DLG2: variants seen among roughly 807,000 people sequenced by gnomAD.
The protein encoded by DLG2 is disks large homolog 2.
Under a neutral mutation model 132.5 loss-of-function variants are expected in DLG2, and 45 were observed. That is an observed-to-expected ratio of 0.34 (90% confidence interval 0.27 to 0.44). DLG2 has a LOEUF of 0.44. DLG2 is among the 20% of genes least tolerant of loss of function. The pLI is 1.00. For synonymous variants in DLG2, 424 were observed against 419.6 expected (o/e 1.01, Z -0.13); for missense variants, 1,045 against 1,196.9 (o/e 0.87, Z 1.87).
intron 3 of DLG2, among the ~76,000 whole-genome samples, chr11:85,579,540 A>G (rs1358330013): frequency 6.6e-6 from 1 of 152,212 alleles, no homozygotes; most frequent in African/African-American, 2.4e-5. Flanking sequence ...AAATTCGCCA[A>G]TGAAATTTGA....
intron 6 of DLG2, among the ~76,000 whole-genome samples, chr11:84,961,103 C>T (rs2052494670): frequency 6.6e-6 from 1 of 151,724 alleles, no homozygotes; most frequent in African/African-American, 2.4e-5. Flanking sequence ...GCTCACGCTC[C>T]ATGCTTCCTT....
intron 6 of DLG2, among the ~76,000 whole-genome samples, chr11:85,038,673 A>G (rs2061606124): frequency 6.6e-6 from 1 of 152,100 alleles, no homozygotes; most frequent in Non-Finnish European, 1.5e-5. Flanking sequence ...TTTCTAATAC[A>G]TCAAGAGGGA....
intron 18 of DLG2, among the ~76,000 whole-genome samples, chr11:83,692,276 G>A (rs2081129655): frequency 6.6e-6 from 1 of 152,194 alleles, no homozygotes; most frequent in African/African-American, 2.4e-5. Flanking sequence ...GTTCAATGAT[G>A]AGCAGGGCTT....
chr11:84,629,152 G>A (rs2099627616), intron 6 of DLG2, among the ~76,000 whole-genome samples: 1 of 152,092 alleles, frequency 6.6e-6, no homozygotes, highest in African/African-American at 2.4e-5. Flanking sequence ...CCTAATCTCT[G>A]AGATATAATA....
intron 6 of DLG2, among the ~76,000 whole-genome samples, chr11:84,580,018 G>A (rs957881351): frequency 3.9e-5 from 6 of 152,114 alleles, no homozygotes; most frequent in Admixed American, 1.3e-4. Flanking sequence ...AAGATGATGA[G>A]CAAGTTTTGT....
At chr11:85,363,071 CAA>C (rs2084282601) in intron 3 of DLG2, among the ~76,000 whole-genome samples, 1 of 152,156 alleles carries the variant, frequency 6.6e-6, no homozygotes, top group East Asian at 1.9e-4. Flanking sequence ...AATTAGTGAA[CAA>C]AAGAGTGTTG....
chr11:84,235,031 T>C (rs1014099328), intron 8 of DLG2, among the ~76,000 whole-genome samples: 1 of 152,164 alleles, frequency 6.6e-6, no homozygotes, highest in Non-Finnish European at 1.5e-5. Flanking sequence ...ACCTGCCTAA[T>C]AAGAACCTTG....
At chr11:83,898,044 T>G (rs1015860135) in intron 15 of DLG2, among the ~76,000 whole-genome samples, 1 of 152,194 alleles carries the variant, frequency 6.6e-6, no homozygotes, top group African/African-American at 2.4e-5. Flanking sequence ...TTTTACCTAC[T>G]GTAAATGTTG....
chr11:85,464,208 T>C (rs1291519857), intron 3 of DLG2, among the ~76,000 whole-genome samples: 2 of 152,230 alleles, frequency 1.3e-5, no homozygotes, highest in Non-Finnish European at 2.9e-5. Flanking sequence ...AAATATTCTA[T>C]GCATTTTGTA....
intron 14 of DLG2, among the ~76,000 whole-genome samples, chr11:83,941,175 C>T (rs995473691): frequency 2.0e-5 from 3 of 152,142 alleles, no homozygotes; most frequent in Non-Finnish European, 4.4e-5. Context: ...CACATTTATA[C>T]TGAAACTTAT....
At chr11:84,646,935 T>A (rs2099675703) in intron 6 of DLG2, among the ~76,000 whole-genome samples, 1 of 152,142 alleles carries the variant, frequency 6.6e-6, no homozygotes, top group Admixed American at 6.6e-5. Context: ...ATATTCTCTG[T>A]CATCAAAGGG....
At chr11:83,977,192 T>C (rs752110168) in intron 12 of DLG2, among the ~76,000 whole-genome samples, 1 of 151,990 alleles carries the variant, frequency 6.6e-6, no homozygotes, top group Non-Finnish European at 1.5e-5. Flanking sequence ...AAGCTTCCTA[T>C]GATCCAGTAA....
intron 6 of DLG2, among the ~76,000 whole-genome samples, chr11:84,765,575 T>C (rs1413262479): frequency 1.1e-4 from 16 of 152,068 alleles, no homozygotes; most frequent in Admixed American, 1.0e-3. Context: ...TTAAGGTTTC[T>C]GAGGAAAATA....
rs183798054 is a variant in DLG2, at chr11:85,372,160, T to C, written c.41-86795A>G. On this transcript the variant is annotated intron_variant, in intron 3 of 27. Transcript: ENST00000376104. ...GGGATGGGTAATATAAAAATCTGGA[T>C]CAATATTCTAGTTCTGAGCAGTTAT... Among the ~76,000 whole-genome samples the C allele has an allele frequency of 2.0e-5, 3 of 152,274 alleles. No individual in the cohort carries two copies. The East Asian group carries it at 5.8e-4, about 29-fold the overall frequency.
intron 6 of DLG2, among the ~76,000 whole-genome samples, chr11:84,595,542 C>A (rs1381766567): frequency 1.3e-5 from 2 of 151,226 alleles, no homozygotes; most frequent in Admixed American, 6.6e-5. Context: ...AGCAACTGAA[C>A]CTTGTATGAG....
chr11:85,415,946 A>G (rs2152987612), intron 3 of DLG2, among the ~76,000 whole-genome samples: 1 of 152,334 alleles, frequency 6.6e-6, no homozygotes, highest in Middle Eastern at 3.4e-3. Context: ...GTCTTGGCCC[A>G]TGCCTATGTC....
Position 85,285,279 on chromosome 11 carries a change from T to C in DLG2, c.127A>G (p.Lys43Glu). 2 of 1,612,152 alleles carry C rather than the reference T, an allele frequency of 1.2e-6. No homozygotes were observed. The highest frequency in any genetic ancestry group is 1.7e-6 in the Non-Finnish European group (2 of 1,178,698). ...KIEEANQVLQ[K>E]WEKTSLLAPC... ...GCAAGAAGGGATGTCTTCTCCCATT[T>C]CTGTAAAACTTGATTGGCTTCTTCT... Residue 43 changes from lysine to glutamate, a missense_variant, in exon 4 of 28, where the codon AAA becomes GAA. Lys to Glu is a moderately conservative substitution (Grantham distance 56). Transcript: ENST00000376104.
At chr11:83,521,960 T>C (rs2095491007) in intron 21 of DLG2, among the ~76,000 whole-genome samples, 1 of 152,096 alleles carries the variant, frequency 6.6e-6, no homozygotes, top group Non-Finnish European at 1.5e-5. Flanking sequence ...CTTGAAGGGC[T>C]CCCCAGTACC....
At chr11:85,379,091 A>T (rs1219374783) in intron 3 of DLG2, among the ~76,000 whole-genome samples, 1 of 152,208 alleles carries the variant, frequency 6.6e-6, no homozygotes, top group Non-Finnish European at 1.5e-5. Context: ...GTCACCAGTC[A>T]TGCTTCATTC....
Sources: gnomAD v4.1 joint callset for allele counts (sites outside exome capture counted in the v4.1 genomes callset) on GRCh38, gnomAD v4.1.1 for gene constraint, MANE v1.5 for transcripts, NCBI Gene and HGNC (gene_info 2026-07-23, HGNC 2026-07-21) for gene names.